CCR5AS: variants seen among roughly 807,000 people sequenced by gnomAD.
CCR5AS encodes CCR5 antisense RNA.
At chr3:46,381,507 ATAACT>A (rs1368794957) in intron 2 of CCR5AS, among the ~76,000 whole-genome samples, 1 of 152,242 alleles carries the variant, frequency 6.6e-6, no homozygotes, top group Non-Finnish European at 1.5e-5. Context: ...CAGATATCTG[ATAACT>A]TAATCTTTTT....
At chr3:46,397,716 G>C (rs1371591137) in intron 1 of CCR5AS, among the ~76,000 whole-genome samples, 1 of 152,246 alleles carries the variant, frequency 6.6e-6, no homozygotes, top group Non-Finnish European at 1.5e-5. Flanking sequence ...AGGGGAGCCT[G>C]CTGTTAATAA....
At chr3:46,373,105 A>T in intron 2 of CCR5AS, 3 of 1,614,120 alleles carry the variant, frequency 1.9e-6, no homozygotes, top group Non-Finnish European at 2.5e-6. Flanking sequence ...ACTGACATCT[A>T]CCTGCTCAAC....
chr3:46,388,207 A>G (rs1701879410), intron 2 of CCR5AS, among the ~76,000 whole-genome samples: 2 of 152,272 alleles, frequency 1.3e-5, no homozygotes, highest in Middle Eastern at 3.4e-3. Flanking sequence ...TGGGGGTGGT[A>G]TGGAGAGATA....
intron 2 of CCR5AS, among the ~76,000 whole-genome samples, chr3:46,377,502 C>T (rs774465729): frequency 1.3e-5 from 2 of 152,160 alleles, no homozygotes; most frequent in Non-Finnish European, 2.9e-5. Context: ...TAGTTTAAAT[C>T]GCTCTGAATA....
intron 3 of CCR5AS, among the ~76,000 whole-genome samples, chr3:46,369,088 T>C (rs1701629920): frequency 6.6e-6 from 1 of 152,250 alleles, no homozygotes; most frequent in Admixed American, 6.5e-5. Flanking sequence ...AAGCACACTT[T>C]ATATTTCCCT....
exon 4 of CCR5AS, among the ~76,000 whole-genome samples, chr3:46,364,425 C>G (rs963054230): frequency 2.6e-5 from 4 of 152,116 alleles, no homozygotes; most frequent in Non-Finnish European, 5.9e-5. Flanking sequence ...ATATTTCAAG[C>G]CCACTATTGA....
intron 1 of CCR5AS, among the ~76,000 whole-genome samples, chr3:46,402,090 C>CT (rs534132167): frequency 2.0e-5 from 3 of 151,950 alleles, no homozygotes; most frequent in Admixed American, 1.3e-4. Flanking sequence ...GCCTCCCATC[C>CT]TTTTTTTTAC....
At chr3:46,398,696 C>A (rs958295113) in intron 1 of CCR5AS, among the ~76,000 whole-genome samples, 1 of 152,028 alleles carries the variant, frequency 6.6e-6, no homozygotes, top group African/African-American at 2.4e-5. Context: ...TTTTTAAATT[C>A]TTTTTTCTTG....
At chr3:46,405,490 T>C (rs1702036364) in intron 1 of CCR5AS, among the ~76,000 whole-genome samples, 2 of 152,154 alleles carry the variant, frequency 1.3e-5, no homozygotes, top group Admixed American at 1.3e-4. Context: ...TCCATGAGTA[T>C]CGAGAGTAAA....
intron 3 of CCR5AS, among the ~76,000 whole-genome samples, chr3:46,366,105 C>T (rs935543904): frequency 2.6e-5 from 4 of 152,194 alleles, no homozygotes; most frequent in African/African-American, 7.2e-5. Flanking sequence ...TAATTGCCTC[C>T]GTATACAGAC....
chr3:46,392,154 T>C (rs1410799507), intron 2 of CCR5AS, among the ~76,000 whole-genome samples: 4 of 152,156 alleles, frequency 2.6e-5, no homozygotes, highest in Non-Finnish European at 5.9e-5. Context: ...GATGTTTAGG[T>C]TTTTAAAAGA....
chr3:46,406,306 C>T, intron 1 of CCR5AS, among the ~76,000 whole-genome samples: 1 of 151,986 alleles, frequency 6.6e-6, no homozygotes, highest in African/African-American at 2.4e-5. Flanking sequence ...GGTCTGATCC[C>T]CAAATTAGGT....
chr3:46,366,331 G>C (rs1303787931), intron 3 of CCR5AS, among the ~76,000 whole-genome samples: 1 of 152,242 alleles, frequency 6.6e-6, no homozygotes, highest in Admixed American at 6.5e-5. Context: ...GCAGAGCTGA[G>C]TATAGAGCTC....
intron 2 of CCR5AS, among the ~76,000 whole-genome samples, chr3:46,385,850 C>T (rs927899731): frequency 1.3e-5 from 2 of 152,128 alleles, no homozygotes; most frequent in East Asian, 1.9e-4. Flanking sequence ...AGGCCATTCT[C>T]CTGCCTCAGC....
intron 3 of CCR5AS, among the ~76,000 whole-genome samples, chr3:46,370,692 T>C (rs931664454): frequency 1.3e-5 from 2 of 152,232 alleles, no homozygotes; most frequent in Admixed American, 1.3e-4. Flanking sequence ...CTTTATATTT[T>C]CTAACAGATT....
chr3:46,381,874 C>T (rs1051793126), intron 2 of CCR5AS, among the ~76,000 whole-genome samples: 11 of 152,196 alleles, frequency 7.2e-5, no homozygotes, highest in Admixed American at 5.9e-4. Context: ...AGTGACTTAA[C>T]GTCTCTGGCT....
At chr3:46,395,763 G>T (rs1254834925) in intron 1 of CCR5AS, among the ~76,000 whole-genome samples, 1 of 150,132 alleles carries the variant, frequency 6.7e-6, no homozygotes, top group Non-Finnish European at 1.5e-5. Flanking sequence ...GAAGGTCCTG[G>T]TTCTGCCCCC....
At chr3:46,405,313 T>C (rs1163560929) in intron 1 of CCR5AS, among the ~76,000 whole-genome samples, 1 of 152,220 alleles carries the variant, frequency 6.6e-6, no homozygotes, top group African/African-American at 2.4e-5. Context: ...CATGATTCTG[T>C]GTTTTTACTT....
chr3:46,365,083 A>G lies in CCR5AS; in HGVS notation n.566-38T>C, dbSNP rs572777096. 41 of 153,436 alleles carry G rather than the reference A, an allele frequency of 2.7e-4. No homozygotes were observed. In the South Asian group the frequency reaches 8.0e-3, roughly 30 times the overall value. 9.5% of individuals were successfully genotyped at this position (153,436 alleles called of 1,614,324 possible). A position where few individuals can be genotyped will look rare whatever the true frequency, so the allele number is the denominator to read the frequency against. On this transcript the variant is annotated intron_variant and non_coding_transcript_variant, in intron 3 of 3. Coordinates refer to ENST00000451485, the Ensembl canonical transcript of CCR5AS. ...TTAAAATGACAACAATCGATTTAGAATATTACATAAATTTAGTTAATAAAG... is the reference window on the plus strand; with the variant it reads ...TTAAAATGACAACAATCGATTTAGAGTATTACATAAATTTAGTTAATAAAG...
Sources: gnomAD v4.1 joint callset for allele counts (sites outside exome capture counted in the v4.1 genomes callset) on GRCh38, gnomAD v4.1.1 for gene constraint, MANE v1.5 for transcripts, NCBI Gene and HGNC (gene_info 2026-07-23, HGNC 2026-07-21) for gene names.